Variants in CCDC91 observed in about 807,000 individuals in gnomAD.
CCDC91 encodes the protein coiled-coil domain containing 91, also known as coiled-coil domain-containing protein 91.
In CCDC91, 48 loss-of-function variants were observed where a neutral mutation model predicts 63.2. The ratio of observed to expected loss-of-function variants is 0.76; its 90% CI spans 0.60 to 0.97. The LOEUF is 0.97. CCDC91 is among the 50% of genes least tolerant of loss of function. CCDC91 has a pLI of 0.00. For synonymous variants in CCDC91, 167 were observed against 165.8 expected (o/e 1.01, Z -0.06); for missense variants, 500 against 494.6 (o/e 1.01, Z -0.10).
intron 11 of CCDC91, among the ~76,000 whole-genome samples, chr12:28,453,210 A>G (rs989019498): frequency 1.3e-5 from 2 of 152,020 alleles, no homozygotes; most frequent in Non-Finnish European, 2.9e-5. Flanking sequence ...TTATCTGACA[A>G]TTAAAAACAC....
intron 11 of CCDC91, among the ~76,000 whole-genome samples, chr12:28,476,797 G>C (rs911641682): frequency 1.3e-5 from 2 of 152,000 alleles, no homozygotes; most frequent in African/African-American, 4.8e-5. Context: ...TACCACCACC[G>C]ATCCCACAGA....
At chr12:28,461,423 A>T (rs1355389415) in intron 11 of CCDC91, among the ~76,000 whole-genome samples, 1 of 152,072 alleles carries the variant, frequency 6.6e-6, no homozygotes, top group Non-Finnish European at 1.5e-5. Flanking sequence ...TTTGCACCCA[A>T]TTACTAATAT....
At chr12:28,512,432 A>C (rs945437104) in intron 12 of CCDC91, among the ~76,000 whole-genome samples, 2 of 151,874 alleles carry the variant, frequency 1.3e-5, no homozygotes, top group Non-Finnish European at 2.9e-5. Context: ...CAAGCAAGAC[A>C]TATTTACTAA....
intron 11 of CCDC91, among the ~76,000 whole-genome samples, chr12:28,465,998 A>G (rs566645236): frequency 7.9e-5 from 12 of 152,314 alleles, no homozygotes; most frequent in Admixed American, 1.3e-4. Context: ...AATCAAGCAG[A>G]AACTCTGAAT....
At chr12:28,450,678 A>G (rs1949761434) in intron 10 of CCDC91, among the ~76,000 whole-genome samples, 1 of 151,754 alleles carries the variant, frequency 6.6e-6, no homozygotes, top group African/African-American at 2.4e-5. Context: ...TTGCAACACT[A>G]ATATCCACCT....
At chr12:28,290,462 G>C (rs1174118467) in intron 3 of CCDC91, among the ~76,000 whole-genome samples, 1 of 152,090 alleles carries the variant, frequency 6.6e-6, no homozygotes, top group Non-Finnish European at 1.5e-5. Flanking sequence ...TATCCAGCTT[G>C]CCACTCTGTG....
chr12:28,201,238 G>A (rs4100814), intron 1 of CCDC91, among the ~76,000 whole-genome samples: 2 of 148,822 alleles, frequency 1.3e-5, no homozygotes, highest in Non-Finnish European at 3.0e-5. Context: ...CAGACGGGGC[G>A]GCTGCAGGGC....
In CCDC91 at chr12:28,257,184, A is replaced by C. The variant is rs201007722; in HGVS notation, c.-14-18A>C. ...ACTGTGTGTGTGCGGGCTTGTTTCA[A>C]TATCTTATATTTTTCAGGTGCCACT... On this transcript the variant is annotated intron_variant, in intron 1 of 12. Coordinates refer to ENST00000536442, the MANE Select transcript of CCDC91 (RefSeq NM_018318.5). 1 of 1,574,398 alleles carries C rather than the reference A, an allele frequency of 6.4e-7. No individual in the cohort carries two copies. The highest frequency in any genetic ancestry group is 8.7e-7 in the Non-Finnish European group (1 of 1,144,452).
rs114861527 is a variant in CCDC91, at chr12:28,427,630, T to G, written c.763-22531T>G. On this transcript the variant is annotated intron_variant, in intron 8 of 12. Coordinates refer to ENST00000536442, the MANE Select transcript of CCDC91 (RefSeq NM_018318.5). ...TTTACCAGTTTATATCTCCAGCAACTTCTGCTGTGGATAAACAGATTTTGG... is the reference window on the plus strand; with the variant it reads ...TTTACCAGTTTATATCTCCAGCAACGTCTGCTGTGGATAAACAGATTTTGG... Among the ~76,000 whole-genome samples the G allele has an allele frequency of 9.2e-3, 1,403 of 152,310 alleles. 27 individuals carry two copies. Among genetic ancestry groups the G allele is most frequent in the African/African-American group, 0.032 (1,333 of 41,566 alleles).
chr12:28,466,088 A>C (rs1950537184), intron 11 of CCDC91, among the ~76,000 whole-genome samples: 1 of 152,182 alleles, frequency 6.6e-6, no homozygotes, highest in Non-Finnish European at 1.5e-5. Context: ...GAATTACTGC[A>C]CTTGAAGACA....
At chr12:28,393,410 A>G (rs1049778164) in intron 8 of CCDC91, among the ~76,000 whole-genome samples, 1 of 150,210 alleles carries the variant, frequency 6.7e-6, no homozygotes, top group Non-Finnish European at 1.5e-5. Flanking sequence ...CTGCCTTTGT[A>G]AAGTTAGAGA....
At chr12:28,482,735 C>T (rs971203651) in intron 11 of CCDC91, among the ~76,000 whole-genome samples, 3 of 151,840 alleles carry the variant, frequency 2.0e-5, no homozygotes, top group African/African-American at 7.3e-5. Context: ...TCAAAAGATA[C>T]ATTGAGTTTA....
Position 28,406,536 on chromosome 12 carries a change from A to G in CCDC91, c.762+15125A>G, listed in dbSNP as rs1378214932. ...TTCTAGATATAAACCCTTCATCAGT[A>G]TGTGATTTGCAATTGTTTTTATCAC... On this transcript the variant is annotated intron_variant, in intron 8 of 12. Transcript: ENST00000536442. Among the ~76,000 whole-genome samples, 10 of 152,076 alleles carry G rather than the reference A, an allele frequency of 6.6e-5. No homozygotes were observed. The East Asian group carries it at 1.9e-3, about 29-fold the overall frequency.
intron 1 of CCDC91, among the ~76,000 whole-genome samples, chr12:28,255,240 C>T (rs1419439229): frequency 1.3e-5 from 2 of 152,076 alleles, no homozygotes; most frequent in Non-Finnish European, 2.9e-5. Flanking sequence ...TTTCTGTCAC[C>T]TTACAAATAG....
rs752640468 is a variant in CCDC91, at chr12:28,307,599, T to G, written c.472-46T>G. On this transcript the variant is annotated intron_variant, in intron 5 of 12. Transcript: ENST00000536442. ...TTCATTGAAAAAACTAATTATATTT[T>G]ATGCCATTAAATATTACAAAGCTTG... 15 of 976,342 alleles carry G rather than the reference T, an allele frequency of 1.5e-5. No individual in the cohort carries two copies. The African/African-American group carries it at 2.6e-4, about 17-fold the overall frequency. 60.5% of individuals were successfully genotyped at this position (976,342 alleles called of 1,614,324 possible). A position where few individuals can be genotyped will look rare whatever the true frequency, so the allele number is the denominator to read the frequency against.
intron 11 of CCDC91, among the ~76,000 whole-genome samples, chr12:28,460,570 A>G (rs1427338885): frequency 6.6e-6 from 1 of 152,134 alleles, no homozygotes; most frequent in Non-Finnish European, 1.5e-5. Context: ...GACAAAAAAG[A>G]AAGATAATAG....
chr12:28,400,477 A>G (rs1238766081), intron 8 of CCDC91, among the ~76,000 whole-genome samples: 3 of 151,978 alleles, frequency 2.0e-5, no homozygotes, highest in Admixed American at 2.0e-4. Flanking sequence ...TTGTCTTGGC[A>G]AGTAACATTT....
At chr12:28,418,280 A>G (rs1440136861) in intron 8 of CCDC91, among the ~76,000 whole-genome samples, 1 of 152,162 alleles carries the variant, frequency 6.6e-6, no homozygotes, top group Non-Finnish European at 1.5e-5. Flanking sequence ...AAAATTTACC[A>G]AAAACGTAAT....
intron 8 of CCDC91, among the ~76,000 whole-genome samples, chr12:28,398,639 T>C (rs1334765572): frequency 6.6e-6 from 1 of 152,216 alleles, no homozygotes; most frequent in East Asian, 1.9e-4. Flanking sequence ...TATCAATGTA[T>C]GAGAATTCTC....
Sources: gnomAD v4.1 joint callset for allele counts (sites outside exome capture counted in the v4.1 genomes callset) on GRCh38, gnomAD v4.1.1 for gene constraint, MANE v1.5 for transcripts, NCBI Gene and HGNC (gene_info 2026-07-23, HGNC 2026-07-21) for gene names.